Variants in IQSEC1 observed in about 807,000 individuals in gnomAD.
IQSEC1 encodes the protein IQ motif and SEC7 domain-containing protein 1.
IQSEC1 carries 31 observed loss-of-function variants against 91.0 expected under a neutral mutation model. The ratio of observed to expected loss-of-function variants is 0.34; its 90% CI spans 0.26 to 0.46. IQSEC1 has a LOEUF of 0.46. IQSEC1 is among the 20% of genes least tolerant of loss of function. The probability of loss-of-function intolerance (pLI) is 1.00; values close to 1 mark genes in which losing one functional copy is unlikely to be tolerated. For missense variants in IQSEC1, 1,388 were observed against 1,575.6 expected (o/e 0.88, Z 2.02); for synonymous variants, 699 against 662.6 (o/e 1.05, Z -0.84).
Position 13,073,131 on chromosome 3 carries a change from G to C in IQSEC1, c.-117C>G. 1.6e-6 allele frequency: 2 copies of C among 1,289,146 alleles called. No individual in the cohort carries two copies. The highest frequency in any genetic ancestry group is 2.2e-6 in the Non-Finnish European group (2 of 912,890). The allele number at this position is 1,289,146 out of a possible 1,614,324, so 79.9% of individuals were successfully genotyped here. A position where few individuals can be genotyped will look rare whatever the true frequency, so the allele number is the denominator to read the frequency against. ...GTGGAGGGGAATAAAATTAAATCGC[G>C]GGGCGAGTCACATTCCCGGGGGTGG... On this transcript the variant is annotated 5_prime_UTR_variant, in exon 1 of 14. Transcript: ENST00000613206.
At chr3:13,102,221 C>A (rs1381386923) in intron 2 of IQSEC1, among the ~76,000 whole-genome samples, 1 of 151,960 alleles carries the variant, frequency 6.6e-6, no homozygotes, top group Non-Finnish European at 1.5e-5. Flanking sequence ...AATGATGGAG[C>A]CCAGGAGTCA....
intron 1 of IQSEC1, among the ~76,000 whole-genome samples, chr3:12,999,771 C>G (rs1272433825): frequency 1.3e-5 from 2 of 152,220 alleles, no homozygotes; most frequent in Non-Finnish European, 2.9e-5. Flanking sequence ...CCCACCAAAC[C>G]AGGTAGACAC....
At chr3:12,941,903 G>A (rs779452897) in intron 1 of IQSEC1, 38 bp from the exon 2 acceptor site, 17 of 1,530,026 alleles carry the variant, frequency 1.1e-5, no homozygotes, top group African/African-American at 5.5e-5. Context: ...TCTGGTAAGC[G>A]GGAAATCTGA....
At chr3:13,231,284 T>G (rs1237515671) in intron 1 of IQSEC1, among the ~76,000 whole-genome samples, 1 of 152,230 alleles carries the variant, frequency 6.6e-6, no homozygotes, top group Non-Finnish European at 1.5e-5. Flanking sequence ...TGTGTCTGTG[T>G]GTGTGCCCAC....
chr3:12,927,330 C>T (rs943909263), intron 3 of IQSEC1, among the ~76,000 whole-genome samples: 1 of 152,116 alleles, frequency 6.6e-6, no homozygotes, highest in Non-Finnish European at 1.5e-5. Context: ...GCTCCCTGGC[C>T]TCCACGGCAG....
At chr3:13,238,792 C>T (rs1392392531) in intron 1 of IQSEC1, among the ~76,000 whole-genome samples, 2 of 152,210 alleles carry the variant, frequency 1.3e-5, no homozygotes, top group African/African-American at 4.8e-5. Context: ...CCAAGCCACA[C>T]ACCACCTCCT....
At chr3:13,076,848 C>T (rs187962749), upstream of IQSEC1, among the ~76,000 whole-genome samples, 4 of 152,282 alleles carry the variant, frequency 2.6e-5, no homozygotes, top group African/African-American at 7.2e-5. Flanking sequence ...CCCTTTACCT[C>T]CCACCCTCCT....
At chr3:12,956,709 T>G (rs897437850) in intron 1 of IQSEC1, among the ~76,000 whole-genome samples, 1 of 152,182 alleles carries the variant, frequency 6.6e-6, no homozygotes, top group African/African-American at 2.4e-5. Context: ...CAACCTGAGT[T>G]TGGAGGAATG....
rs1172958503 is a variant in IQSEC1, at chr3:12,900,626, G to A, written c.*357C>T. The A allele has an allele frequency of 1.8e-6, 2 of 1,094,532 alleles. No individual in the cohort carries two copies. The highest frequency in any genetic ancestry group is 2.2e-6 in the Non-Finnish European group (2 of 898,332). 67.8% of individuals were successfully genotyped at this position (1,094,532 alleles called of 1,614,324 possible). ...TTGTATCTCATTTCTTCGTTTTCTA[G>A]GTTGGGTTTTCATATGCATGTACAT... On this transcript the variant is annotated 3_prime_UTR_variant, in exon 14 of 14. Coordinates refer to ENST00000613206, the MANE Select transcript of IQSEC1 (RefSeq NM_001134382.3).
At position 12,901,044 on chromosome 3, in the gene IQSEC1, G is replaced by A. The variant is rs1694214986; in HGVS notation, c.3284C>T (p.Pro1095Leu). Residue 1095 changes from proline (P) to leucine (L), a missense_variant, in exon 14 of 14, where the codon CCT becomes CTT. Physicochemically the swap from Pro to Leu is moderately conservative, Grantham distance 98. Around this residue, in one of 2 missense-constraint regions of IQSEC1, gnomAD observed 329 missense variants for 257.8 expected, o/e 1.28. Coordinates refer to ENST00000613206, the MANE Select transcript of IQSEC1 (RefSeq NM_001134382.3). ...GHTVHHHGQP[P>L]APPPPTSSKA... ...GCTGCTGGTGGGGGGCGGCGGGGCA[G>A]GGGGCTGCCCATGGTGGTGCACTGT... 10 of 1,542,448 alleles carry A rather than the reference G, an allele frequency of 6.5e-6. No homozygotes were observed. The highest frequency in any genetic ancestry group is 8.7e-6 in the Non-Finnish European group (10 of 1,146,332).
At chr3:13,160,184 T>G (rs1011790972) in intron 2 of IQSEC1, among the ~76,000 whole-genome samples, 1 of 152,178 alleles carries the variant, frequency 6.6e-6, no homozygotes, top group African/African-American at 2.4e-5. Flanking sequence ...TCCCTGCTGC[T>G]CCGGAGGCTA....
intron 2 of IQSEC1, among the ~76,000 whole-genome samples, chr3:13,154,458 T>TATATATATACACACAC (rs1707052215): frequency 1.9e-5 from 1 of 53,402 alleles, no homozygotes; most frequent in African/African-American, 9.2e-5. Flanking sequence ...TATATATATA[T>TATATATATACACACAC]ATATATATAT....
intron 1 of IQSEC1, among the ~76,000 whole-genome samples, chr3:13,046,955 A>AT (rs368295064): frequency 1.3e-5 from 2 of 152,274 alleles, no homozygotes; most frequent in Admixed American, 6.5e-5. Flanking sequence ...AGTCTCCAGT[A>AT]TTTTTTTGTG....
At chr3:12,966,503 C>G (rs1008611704) in intron 1 of IQSEC1, among the ~76,000 whole-genome samples, 4 of 152,162 alleles carry the variant, frequency 2.6e-5, no homozygotes, top group Non-Finnish European at 4.4e-5. Context: ...TGCTGGCCAT[C>G]GCAGAGAGGA....
intron 1 of IQSEC1, among the ~76,000 whole-genome samples, chr3:13,194,319 G>A (rs151255262): frequency 6.6e-6 from 1 of 152,268 alleles, no homozygotes; most frequent in South Asian, 2.1e-4. Context: ...CGGCTGGGCT[G>A]CAGGTTTATT....
intron 1 of IQSEC1, among the ~76,000 whole-genome samples, chr3:12,958,839 G>A (rs1384381414): frequency 6.6e-6 from 1 of 152,234 alleles, no homozygotes; most frequent in African/African-American, 2.4e-5. Flanking sequence ...GACAGTGGCT[G>A]AAATGTGTTA....
At chr3:13,237,710 C>T (rs2293246) in intron 1 of IQSEC1, among the ~76,000 whole-genome samples, 1 of 152,118 alleles carries the variant, frequency 6.6e-6, no homozygotes, top group African/African-American at 2.4e-5. Context: ...CTCAGCTCCG[C>T]GGTCGGTTTC....
intron 9 of IQSEC1, among the ~76,000 whole-genome samples, chr3:12,911,944 C>A (rs1233860071): frequency 6.6e-6 from 1 of 152,222 alleles, no homozygotes; most frequent in Admixed American, 6.5e-5. Context: ...GCCCCACAAC[C>A]TGACATAGAG....
chr3:13,100,250 C>T (rs1204284737), intron 2 of IQSEC1, among the ~76,000 whole-genome samples: 1 of 148,030 alleles, frequency 6.8e-6, no homozygotes, highest in Non-Finnish European at 1.5e-5. Flanking sequence ...ATGGTCCTCC[C>T]TCCAAAACAG....
Sources: allele counts gnomAD v4.1 joint callset (sites outside exome capture counted in the v4.1 genomes callset), GRCh38; gene constraint gnomAD v4.1.1; regional missense constraint gnomAD v4.1.1; transcripts MANE v1.5; gene names NCBI Gene and HGNC (gene_info 2026-07-23, HGNC 2026-07-21).